SLC24A2: variants seen among roughly 807,000 people sequenced by gnomAD.
SLC24A2 encodes solute carrier family 24 member 2.
A neutral mutation model predicts 62.0 loss-of-function variants in SLC24A2; 36 were observed. That is an observed-to-expected ratio of 0.58 (90% CI 0.44 to 0.77). The LOEUF (loss-of-function observed/expected upper bound fraction) is 0.77, where lower values mean the gene tolerates loss of function less well. Among genes scored for constraint, SLC24A2 ranks in the 30% least tolerant of loss-of-function variants. The pLI, the probability that SLC24A2 is intolerant of heterozygous loss-of-function variation, is 0.00. For missense variants in SLC24A2, 846 were observed against 817.9 expected, an observed-to-expected ratio of 1.03 and a Z score of -0.42; for synonymous variants, 358 against 294.0, an observed-to-expected ratio of 1.22 and a Z score of -2.23.
At chr9:19,603,837 C>G (rs570960601) in intron 4 of SLC24A2, among the ~76,000 whole-genome samples, 1 of 152,342 alleles carries the variant, frequency 6.6e-6, no homozygotes, top group Non-Finnish European at 1.5e-5. Context: ...TTTACTACGT[C>G]TCCTAATTTA....
chr9:19,742,890 G>C (rs1821721207), intron 2 of SLC24A2, among the ~76,000 whole-genome samples: 2 of 152,124 alleles, frequency 1.3e-5, no homozygotes. Flanking sequence ...CTTTGGAATG[G>C]CTGAATGCTT....
Position 19,602,342 on chromosome 9 carries a change from A to G in SLC24A2, c.1079-5063T>C, listed in dbSNP as rs544735932. On this transcript the variant is annotated intron_variant, in intron 4 of 10. Coordinates refer to ENST00000341998, the MANE Select transcript of SLC24A2 (RefSeq NM_020344.4). Reference sequence around the variant, plus strand: ...GTGATGAGTTGTCCAGACTAAGATAATATGTCACAAGTGACCACCCAGGAT... The same window carrying G: ...GTGATGAGTTGTCCAGACTAAGATAGTATGTCACAAGTGACCACCCAGGAT... Among the ~76,000 whole-genome samples the G allele has an allele frequency of 4.9e-4, 74 of 152,328 alleles. 1 individual carries two copies. In the South Asian group the frequency reaches 0.014, roughly 29 times the overall value.
chr9:19,738,804 T>C (rs1821586570), intron 2 of SLC24A2, among the ~76,000 whole-genome samples: 1 of 152,138 alleles, frequency 6.6e-6, no homozygotes, highest in Non-Finnish European at 1.5e-5. Context: ...TTAAAAAATA[T>C]TTTATTTAAA....
intron 10 of SLC24A2, among the ~76,000 whole-genome samples, chr9:19,518,306 T>C (rs1324226234): frequency 6.6e-6 from 1 of 152,154 alleles, no homozygotes; most frequent in Non-Finnish European, 1.5e-5. Flanking sequence ...GAAAGATGCA[T>C]ACATACACAC....
intron 2 of SLC24A2, among the ~76,000 whole-genome samples, chr9:19,720,171 A>C (rs1043666362): frequency 5.9e-5 from 9 of 152,218 alleles, no homozygotes; most frequent in Non-Finnish European, 1.0e-4. Flanking sequence ...AAATGTAGGT[A>C]ACCCTTTCTT....
At chr9:20,181,360 G>C in the SLC24A2 span, among the ~76,000 whole-genome samples, 1 of 152,096 alleles carries the variant, frequency 6.6e-6, no homozygotes, top group Non-Finnish European at 1.5e-5. Flanking sequence ...GAAACATAAA[G>C]AAGCGTGGTA....
chr9:20,248,787 G>T, the SLC24A2 span, among the ~76,000 whole-genome samples: 1 of 152,316 alleles, frequency 6.6e-6, no homozygotes, highest in East Asian at 1.9e-4. Context: ...TGCAAATCCT[G>T]ACAATGTACA....
At chr9:19,597,392 A>G (rs1367209561) in intron 4 of SLC24A2, 113 bp from the exon 5 acceptor site, 7 of 781,178 alleles carry the variant, frequency 9.0e-6, no homozygotes, top group East Asian at 2.5e-5. Context: ...AAATTTTGCA[A>G]TCGTAACTAT....
the SLC24A2 span, among the ~76,000 whole-genome samples, chr9:19,899,102 A>G: frequency 6.6e-6 from 1 of 152,168 alleles, no homozygotes. Flanking sequence ...TCAGCCTCAC[A>G]TGAAAATAAA....
At chr9:19,731,516 C>CTCTCCGTGTGTGT (rs72153360) in intron 2 of SLC24A2, among the ~76,000 whole-genome samples, 59 of 113,824 alleles carry the variant, frequency 5.2e-4, no homozygotes, top group African/African-American at 1.3e-3. Flanking sequence ...TCTCTCTCTC[C>CTCTCCGTGTGTGT]GTGTGTGTGT....
chr9:20,093,358 C>A, the SLC24A2 span, among the ~76,000 whole-genome samples: 1 of 152,124 alleles, frequency 6.6e-6, no homozygotes, highest in African/African-American at 2.4e-5. Context: ...AGGCGTGAAC[C>A]ACCACGCCCG....
the SLC24A2 span, among the ~76,000 whole-genome samples, chr9:20,201,590 G>C: frequency 2.6e-5 from 4 of 152,330 alleles, no homozygotes; most frequent in East Asian, 7.7e-4. Flanking sequence ...AATAGGTATA[G>C]AAATGAAAGC....
At chr9:20,253,957 G>T in the SLC24A2 span, among the ~76,000 whole-genome samples, 2 of 152,100 alleles carry the variant, frequency 1.3e-5, no homozygotes, top group African/African-American at 4.8e-5. Flanking sequence ...GGACCAATGA[G>T]GGAGAATGGT....
chr9:20,071,116 T>C, the SLC24A2 span, among the ~76,000 whole-genome samples: 1 of 152,298 alleles, frequency 6.6e-6, no homozygotes, highest in South Asian at 2.1e-4. Context: ...TCCACCATGA[T>C]TGGAAGCTTC....
At chr9:20,240,747 G>A in the SLC24A2 span, among the ~76,000 whole-genome samples, 2 of 152,168 alleles carry the variant, frequency 1.3e-5, no homozygotes, top group East Asian at 1.9e-4. Context: ...CATTTAGGGT[G>A]AGCAAAGGGG....
chr9:20,253,375 A>G, the SLC24A2 span, among the ~76,000 whole-genome samples: 1 of 152,212 alleles, frequency 6.6e-6, no homozygotes, highest in Non-Finnish European at 1.5e-5. Context: ...ATTTTATTAA[A>G]CAGTTGCATC....
intron 5 of SLC24A2, among the ~76,000 whole-genome samples, chr9:19,588,017 T>TAACA (rs1288300438): frequency 1.3e-5 from 2 of 152,194 alleles, no homozygotes; most frequent in Admixed American, 1.3e-4. Context: ...TTGGTCTTTC[T>TAACA]AACAGACCTG....
chr9:19,567,769 C>T (rs897151488), intron 7 of SLC24A2, among the ~76,000 whole-genome samples: 1 of 149,622 alleles, frequency 6.7e-6, no homozygotes, highest in Non-Finnish European at 1.5e-5. Flanking sequence ...TTGGAATCAA[C>T]AACAATGGAT....
chr9:20,192,264 G>A, the SLC24A2 span, among the ~76,000 whole-genome samples: 1 of 152,152 alleles, frequency 6.6e-6, no homozygotes, highest in African/African-American at 2.4e-5. Context: ...GGGATGAAGT[G>A]GGTGAGAAGG....
Sources: gnomAD v4.1 joint callset for allele counts (sites outside exome capture counted in the v4.1 genomes callset) on GRCh38, gnomAD v4.1.1 for gene constraint, MANE v1.5 for transcripts, NCBI Gene and HGNC (gene_info 2026-07-23, HGNC 2026-07-21) for gene names.